RBFOX1: variants seen among roughly 807,000 people sequenced by gnomAD.
The protein encoded by RBFOX1 is RNA binding protein fox-1 homolog 1.
RBFOX1 carries 8 observed loss-of-function variants against 57.7 expected under a neutral mutation model. That is an observed-to-expected ratio of 0.14 (90% CI 0.08 to 0.25). RBFOX1 has a LOEUF of 0.25. RBFOX1 is among the 10% of genes least tolerant of loss of function. The pLI, the probability that RBFOX1 is intolerant of heterozygous loss-of-function variation, is 1.00. For missense variants in RBFOX1, 611 were observed against 548.5 expected (o/e 1.11, Z -1.14); for synonymous variants, 326 against 222.4 (o/e 1.47, Z -4.15).
chr16:7,652,010 T>A (rs2065162861), intron 11 of RBFOX1, among the ~76,000 whole-genome samples: 1 of 151,884 alleles, frequency 6.6e-6, no homozygotes, highest in African/African-American at 2.4e-5. Flanking sequence ...AGGATTTGCA[T>A]GAGAAGGGAG....
At chr16:6,653,130 C>T (rs772736036) in intron 2 of RBFOX1, among the ~76,000 whole-genome samples, 13 of 152,148 alleles carry the variant, frequency 8.5e-5, no homozygotes, top group Non-Finnish European at 1.9e-4. Context: ...CCCCAGTGGG[C>T]TACTTGGCTC....
intron 2 of RBFOX1, among the ~76,000 whole-genome samples, chr16:5,536,416 G>C (rs868098875): frequency 2.0e-5 from 3 of 151,776 alleles, no homozygotes; most frequent in Non-Finnish European, 4.4e-5. Flanking sequence ...TGCATTTTTA[G>C]TAGAGATGGG....
chr16:6,920,349 A>G (rs969475039), intron 3 of RBFOX1, among the ~76,000 whole-genome samples: 3 of 152,148 alleles, frequency 2.0e-5, no homozygotes, highest in South Asian at 4.1e-4. Context: ...CACTCCTGAT[A>G]TTGTCATGAT....
intron 4 of RBFOX1, among the ~76,000 whole-genome samples, chr16:7,429,805 C>G (rs2098660919): frequency 6.6e-6 from 1 of 152,178 alleles, no homozygotes; most frequent in Non-Finnish European, 1.5e-5. Flanking sequence ...TCCCTAACAG[C>G]AAACTCTGCC....
intron 3 of RBFOX1, among the ~76,000 whole-genome samples, chr16:6,815,266 T>A (rs1851043311): frequency 6.6e-6 from 1 of 152,094 alleles, no homozygotes; most frequent in African/African-American, 2.4e-5. Flanking sequence ...TTTTGGTGGG[T>A]TTTGGCCGAC....
At chr16:7,219,137 G>T (rs528647872) in intron 4 of RBFOX1, among the ~76,000 whole-genome samples, 2 of 152,140 alleles carry the variant, frequency 1.3e-5, no homozygotes, top group Admixed American at 6.5e-5. Context: ...TGTCAGCCCT[G>T]CTCGGAGTAG....
chr16:5,958,560 C>A (rs2059691049), intron 4 of RBFOX1, among the ~76,000 whole-genome samples: 1 of 152,172 alleles, frequency 6.6e-6, no homozygotes, highest in African/African-American at 2.4e-5. Flanking sequence ...ATGATAAGAG[C>A]AGGTGAGGAT....
intron 14 of RBFOX1, 98 bp downstream of exon 14, chr16:7,676,936 G>T: frequency 8.0e-7 from 1 of 1,250,836 alleles, no homozygotes; most frequent in South Asian, 1.2e-5. Flanking sequence ...CTGCATGACT[G>T]CTGGGGGAGG....
chr16:5,864,319 T>A (rs768838250), intron 3 of RBFOX1, among the ~76,000 whole-genome samples: 4 of 152,322 alleles, frequency 2.6e-5, no homozygotes, highest in Non-Finnish European at 4.4e-5. Flanking sequence ...GGTTTAAACG[T>A]ATATTTAATT....
chr16:7,409,473 G>T (rs943887559), intron 4 of RBFOX1, among the ~76,000 whole-genome samples: 1 of 152,206 alleles, frequency 6.6e-6, no homozygotes, highest in Non-Finnish European at 1.5e-5. Context: ...GCAGAAAACA[G>T]CACAGGGCTC....
intron 3 of RBFOX1, among the ~76,000 whole-genome samples, chr16:5,856,575 GTATATA>G (rs375112636): frequency 0.027 from 889 of 32,920 alleles, 97 homozygotes; most frequent in Non-Finnish European, 0.042. Flanking sequence ...GTGTGTGTGT[GTATATA>G]TATATATATA....
At chr16:7,002,352 A>G (rs2092897063) in intron 3 of RBFOX1, among the ~76,000 whole-genome samples, 1 of 152,212 alleles carries the variant, frequency 6.6e-6, no homozygotes, top group African/African-American at 2.4e-5. Flanking sequence ...ACATGTGTTT[A>G]CACATGAAAT....
intron 4 of RBFOX1, among the ~76,000 whole-genome samples, chr16:5,994,744 G>C (rs1247673794): frequency 2.0e-5 from 3 of 152,130 alleles, no homozygotes; most frequent in Non-Finnish European, 2.9e-5. Flanking sequence ...TTGGCCCATG[G>C]GCAGTAGTTT....
intron 3 of RBFOX1, among the ~76,000 whole-genome samples, chr16:5,682,463 A>G (rs2050371337): frequency 6.6e-6 from 1 of 152,204 alleles, no homozygotes. Flanking sequence ...CAATTTGACA[A>G]TCGGTCCGTC....
At chr16:7,289,000 T>A (rs2095706509) in intron 4 of RBFOX1, among the ~76,000 whole-genome samples, 1 of 152,122 alleles carries the variant, frequency 6.6e-6, no homozygotes, top group African/African-American at 2.4e-5. Context: ...TGAGTGATAT[T>A]AGAGGAAGTA....
chr16:5,338,421 A>C (rs1377359215), intron 1 of RBFOX1, among the ~76,000 whole-genome samples: 2 of 152,180 alleles, frequency 1.3e-5, no homozygotes, highest in Non-Finnish European at 2.9e-5. Flanking sequence ...AAGGAGAAGC[A>C]GGACAGCTGG....
intron 1 of RBFOX1, among the ~76,000 whole-genome samples, chr16:5,283,300 C>T (rs902628269): frequency 8.5e-5 from 13 of 152,262 alleles, no homozygotes; most frequent in African/African-American, 2.6e-4. Context: ...AATGTGGGGT[C>T]GGAGCCCCCA....
At chr16:6,774,029 T>C in intron 3 of RBFOX1, 1 of 982,640 alleles carries the variant, frequency 1.0e-6, no homozygotes, top group Non-Finnish European at 1.2e-6. Flanking sequence ...CACAGTTTGC[T>C]TTTTCTACCT....
At chr16:6,699,436 G>A (rs1179894511) in intron 3 of RBFOX1, among the ~76,000 whole-genome samples, 1 of 152,088 alleles carries the variant, frequency 6.6e-6, no homozygotes, top group African/African-American at 2.4e-5. Flanking sequence ...GTCTTTGAAG[G>A]AGAAGCCTGC....
Sources: gnomAD v4.1 joint callset for allele counts (sites outside exome capture counted in the v4.1 genomes callset) on GRCh38, gnomAD v4.1.1 for gene constraint, MANE v1.5 for transcripts, NCBI Gene and HGNC (gene_info 2026-07-23, HGNC 2026-07-21) for gene names.